Variants in CCL28 observed in about 807,000 individuals in gnomAD.
CCL28 encodes C-C motif chemokine 28.
CCL28 carries 4 observed loss-of-function variants against 7.1 expected under a neutral mutation model. The ratio of observed to expected loss-of-function variants is 0.56; its 90% CI spans 0.28 to 1.29. The LOEUF (loss-of-function observed/expected upper bound fraction) is 1.29. Among genes scored for constraint, CCL28 ranks in the 50% most tolerant of loss-of-function variants. The probability of loss-of-function intolerance (pLI) is 0.11; values close to 1 mark genes in which losing one functional copy is unlikely to be tolerated. For missense variants in CCL28, 151 were observed against 163.4 expected (o/e 0.92, Z 0.41); for synonymous variants, 55 against 57.8 (o/e 0.95, Z 0.22).
chr5:43,399,797 A>C (rs1330107807), intron 1 of CCL28, among the ~76,000 whole-genome samples: 1 of 151,908 alleles, frequency 6.6e-6, no homozygotes, highest in Non-Finnish European at 1.5e-5. Flanking sequence ...AGATGTTTTT[A>C]GTATCTGATC....
At chr5:43,391,529 T>C (rs1177631126) in intron 1 of CCL28, among the ~76,000 whole-genome samples, 1 of 152,224 alleles carries the variant, frequency 6.6e-6, no homozygotes, top group East Asian at 1.9e-4. Flanking sequence ...CCCCTTTCCT[T>C]GTGAAACATT....
chr5:43,411,240 G>T (rs1741525433), intron 1 of CCL28, among the ~76,000 whole-genome samples: 1 of 152,178 alleles, frequency 6.6e-6, no homozygotes, highest in Non-Finnish European at 1.5e-5. Flanking sequence ...TTCCACCTCT[G>T]CTCTAGACTT....
chr5:43,406,070 A>G (rs1741263812), intron 1 of CCL28, among the ~76,000 whole-genome samples: 1 of 152,142 alleles, frequency 6.6e-6, no homozygotes, highest in East Asian at 1.9e-4. Context: ...CCAGAGGTAC[A>G]AGAAGGAGCT....
At chr5:43,394,150 G>A (rs1740704218) in intron 1 of CCL28, among the ~76,000 whole-genome samples, 1 of 152,088 alleles carries the variant, frequency 6.6e-6, no homozygotes, top group Non-Finnish European at 1.5e-5. Context: ...ATACACATAG[G>A]TCTGCTTCTG....
chr5:43,377,068 G>A (rs1161841045), downstream of CCL28: 1 of 152,190 alleles, frequency 6.6e-6, no homozygotes, highest in Non-Finnish European at 1.5e-5. Context: ...GCTGAATGTG[G>A]TGCAAGCTTG....
the CCL28 span, among the ~76,000 whole-genome samples, chr5:43,364,834 C>G: frequency 6.6e-6 from 1 of 151,858 alleles, no homozygotes; most frequent in African/African-American, 2.4e-5. Context: ...ATTTTTTTAT[C>G]TTTGTTGGTT....
intron 1 of CCL28, among the ~76,000 whole-genome samples, chr5:43,399,666 C>G (rs554716432): frequency 4.3e-4 from 66 of 152,174 alleles, no homozygotes; most frequent in African/African-American, 1.2e-3. Context: ...TGGTCAAGCT[C>G]TTATGTCCCA....
the CCL28 span, among the ~76,000 whole-genome samples, chr5:43,368,214 G>A: frequency 6.6e-6 from 1 of 152,188 alleles, no homozygotes; most frequent in Non-Finnish European, 1.5e-5. Context: ...ATGGTAGGCT[G>A]GTAGTTGCAA....
At chr5:43,402,086 G>A (rs1049720899) in intron 1 of CCL28, among the ~76,000 whole-genome samples, 1 of 152,152 alleles carries the variant, frequency 6.6e-6, no homozygotes, top group African/African-American at 2.4e-5. Context: ...CTAGAAGGTG[G>A]ATATCCAGCA....
At chr5:43,407,477 T>G (rs974745188) in intron 1 of CCL28, among the ~76,000 whole-genome samples, 12 of 152,152 alleles carry the variant, frequency 7.9e-5, no homozygotes, top group Non-Finnish European at 1.6e-4. Context: ...CCTTACACCT[T>G]ATACAAAAAT....
chr5:43,382,232 A>G (rs1156536895), intron 2 of CCL28, among the ~76,000 whole-genome samples, 180 bp from the exon 3 acceptor site: 1 of 152,250 alleles, frequency 6.6e-6, no homozygotes, highest in Non-Finnish European at 1.5e-5. Flanking sequence ...ACAAGGTTCA[A>G]TTTTGACTTT....
chr5:43,363,809 T>C, the CCL28 span, among the ~76,000 whole-genome samples: 1 of 152,208 alleles, frequency 6.6e-6, no homozygotes, highest in South Asian at 2.1e-4. Context: ...AGAATTTTCA[T>C]AGATTAGTGG....
chr5:43,387,394 C>T (rs975253616), intron 2 of CCL28, among the ~76,000 whole-genome samples: 1 of 152,206 alleles, frequency 6.6e-6, no homozygotes, highest in Non-Finnish European at 1.5e-5. Flanking sequence ...AATACCAATG[C>T]AGTTCAGATG....
At chr5:43,375,361 CAAAAAAAAAAAA>C (rs56103146), downstream of CCL28, among the ~76,000 whole-genome samples, 1 of 45,496 alleles carries the variant, frequency 2.2e-5, no homozygotes, top group South Asian at 1.1e-3. Flanking sequence ...GACTCTGTCT[CAAAAAAAAAAAA>C]AAAAAAAAAA....
downstream of CCL28, among the ~76,000 whole-genome samples, chr5:43,377,717 CTTTTTT>C (rs767834184): frequency 4.1e-3 from 177 of 42,658 alleles, no homozygotes; most frequent in African/African-American, 0.017. Flanking sequence ...AGAACTTAAA[CTTTTTT>C]TTTTTTTTTT....
intron 1 of CCL28, among the ~76,000 whole-genome samples, chr5:43,391,455 A>G (rs1740568233): frequency 6.6e-6 from 1 of 152,266 alleles, no homozygotes; most frequent in African/African-American, 2.4e-5. Flanking sequence ...ATGACAATTC[A>G]CCTAAACTAA....
At chr5:43,366,616 A>G in the CCL28 span, among the ~76,000 whole-genome samples, 7 of 152,206 alleles carry the variant, frequency 4.6e-5, no homozygotes, top group African/African-American at 1.7e-4. Flanking sequence ...GTCATGAGGC[A>G]TGGGGGTCAG....
At chr5:43,409,894 G>T (rs1431386991) in intron 1 of CCL28, among the ~76,000 whole-genome samples, 1 of 152,034 alleles carries the variant, frequency 6.6e-6, no homozygotes, top group Non-Finnish European at 1.5e-5. Context: ...GGAGCCAGCA[G>T]CCACGTCAGC....
At chr5:43,379,039 G>A (rs1005489720), downstream of CCL28, among the ~76,000 whole-genome samples, 4 of 152,110 alleles carry the variant, frequency 2.6e-5, no homozygotes, top group Non-Finnish European at 5.9e-5. Flanking sequence ...TCAATTATTT[G>A]CGTGGCAGAA....
Sources: allele counts gnomAD v4.1 joint callset (sites outside exome capture counted in the v4.1 genomes callset), GRCh38; gene constraint gnomAD v4.1.1; transcripts MANE v1.5; gene names NCBI Gene and HGNC (gene_info 2026-07-23, HGNC 2026-07-21).